The following SAFB2 variants were observed in gnomAD, a reference collection of about 807,000 sequenced individuals.
SAFB2 encodes scaffold attachment factor B2.
Under a neutral mutation model 100.6 loss-of-function variants are expected in SAFB2, and 32 were observed. The observed-to-expected ratio is 0.32, with a 90% CI of 0.24 to 0.43. SAFB2 has a LOEUF of 0.43. Among genes scored for constraint, SAFB2 ranks in the 20% least tolerant of loss-of-function variants. SAFB2 has a pLI of 1.00. For missense variants in SAFB2, 1,185 were observed against 1,163.4 expected (o/e 1.02, Z -0.27); for synonymous variants, 500 against 439.4 (o/e 1.14, Z -1.72).
At chr19:5,614,970 G>GGAGGCC (rs2052991265) in intron 4 of SAFB2, among the ~76,000 whole-genome samples, 1 of 152,164 alleles carries the variant, frequency 6.6e-6, no homozygotes, top group African/African-American at 2.4e-5. Context: ...CAGCACTTTG[G>GGAGGCC]GAGGCCGAGG....
chr19:5,619,419 T>C (rs968216712), intron 2 of SAFB2, among the ~76,000 whole-genome samples: 2 of 152,238 alleles, frequency 1.3e-5, no homozygotes, highest in Non-Finnish European at 2.9e-5. Context: ...TCATCCAAGC[T>C]TTCCTGACAA....
chr19:5,614,140 G>A (rs922271141), intron 4 of SAFB2, among the ~76,000 whole-genome samples: 6 of 152,074 alleles, frequency 3.9e-5, no homozygotes, highest in Non-Finnish European at 8.8e-5. Context: ...TGTTTTAGTA[G>A]AGACGGGGTT....
At chr19:5,615,244 C>T (rs572256481) in intron 4 of SAFB2, among the ~76,000 whole-genome samples, 8 of 151,870 alleles carry the variant, frequency 5.3e-5, no homozygotes, top group Admixed American at 1.3e-4. Context: ...GGTCCCAGCT[C>T]CTCAGGAGGC....
chr19:5,589,866 C>T (rs1351018767), intron 18 of SAFB2, among the ~76,000 whole-genome samples: 1 of 152,124 alleles, frequency 6.6e-6, no homozygotes, highest in Admixed American at 6.5e-5. Flanking sequence ...CCCAGACCAA[C>T]TGGGGGTCAG....
chr19:5,600,428 T>G (rs1321002452), intron 11 of SAFB2, among the ~76,000 whole-genome samples, 168 bp from the exon 12 acceptor site: 5 of 152,208 alleles, frequency 3.3e-5, no homozygotes, highest in African/African-American at 7.2e-5. Context: ...ACAATACTCC[T>G]CTTTAGATAC....
intron 9 of SAFB2, among the ~76,000 whole-genome samples, chr19:5,609,420 CAGCTTCCCGAGT>C (rs1287945223): frequency 6.6e-6 from 1 of 151,448 alleles, no homozygotes; most frequent in Non-Finnish European, 1.5e-5. Flanking sequence ...TCTCCCACCT[CAGCTTCCCGAGT>C]AGCTGCGACT....
In SAFB2 at chr19:5,587,215, C is replaced by T; in HGVS notation, c.*28G>A. ...CTACCAGATTCAACAGTGCGTCTGC[C>T]CACCCGAAAACTCGCAGCGAGTGGG... On this transcript the variant is annotated 3_prime_UTR_variant, in exon 21 of 21. Transcript: ENST00000252542. The surrounding 1 kb of genome is among the most constrained non-coding windows in gnomAD (Gnocchi z 4.9). 1 of 1,606,374 alleles carries T rather than the reference C, an allele frequency of 6.2e-7. No homozygotes were observed. Among genetic ancestry groups the T allele is most frequent in the Non-Finnish European group, 8.5e-7 (1 of 1,174,532 alleles).
chr19:5,608,465 T>C (rs2052825820), intron 9 of SAFB2, among the ~76,000 whole-genome samples: 1 of 152,218 alleles, frequency 6.6e-6, no homozygotes, highest in African/African-American at 2.4e-5. Flanking sequence ...TTCATGGCTA[T>C]AAGAATTTCC....
rs1715961225 is a variant in SAFB2 at position 5,619,786 on chromosome 19, A to G, written c.274+1523T>C. On this transcript the variant is annotated intron_variant, in intron 2 of 20. Coordinates refer to ENST00000252542, the MANE Select transcript of SAFB2 (RefSeq NM_014649.3). ...CTTGAACCCGGGAGGCGGAGGTTGC[A>G]GTGAGCCAAGACCGCACCACTGCAC... Among the ~76,000 whole-genome samples the G allele has an allele frequency of 2.6e-5, 4 of 152,054 alleles. No individual in the cohort carries two copies. In the South Asian group the frequency reaches 8.3e-4, roughly 32 times the overall value.
chr19:5,597,435 T>C (rs1441798335), intron 13 of SAFB2, among the ~76,000 whole-genome samples: 2 of 151,708 alleles, frequency 1.3e-5, no homozygotes, highest in African/African-American at 4.9e-5. Context: ...AAAAAATATA[T>C]GTAAAAGCGA....
At position 5,590,321 on chromosome 19, in the gene SAFB2, C is replaced by A. The variant is rs746647523; in HGVS notation, c.2482G>T (p.Asp828Tyr). ...SRDGWGGYGS[D>Y]KRLSEGRGLP... is the part of the protein sequence containing the mutation. Reference sequence around the variant, plus strand: ...CCCCGGCCTTCACTCAGCCTCTTGTCGGAGCCGTAGCCCCCCCAGCCATCA... The same window carrying A: ...CCCCGGCCTTCACTCAGCCTCTTGTAGGAGCCGTAGCCCCCCCAGCCATCA... The change falls in exon 18 of 21, where the codon GAC becomes TAC. Residue 828 changes from aspartate to tyrosine, a missense_variant. Coordinates refer to ENST00000252542, the MANE Select transcript of SAFB2 (RefSeq NM_014649.3). 3.7e-6 allele frequency: 6 copies of A among 1,608,596 alleles called. No individual in the cohort carries two copies. The East Asian group carries it at 1.3e-4, about 36-fold the overall frequency.
rs772716396 is a variant in SAFB2, at chr19:5,587,278, G to C, written c.2827C>G (p.Pro943Ala). The change falls in exon 21 of 21, where the codon CCC (proline) becomes GCC (alanine). Residue 943 changes from proline (P) to alanine (A), a missense_variant. Physicochemically the swap from Pro to Ala is conservative, Grantham distance 27. Around this residue, in one of 3 missense-constraint regions of SAFB2, gnomAD observed 740 missense variants for 687.1 expected, o/e 1.08. Coordinates refer to ENST00000252542, the MANE Select transcript of SAFB2 (RefSeq NM_014649.3). The surrounding 1 kb of genome is among the most constrained non-coding windows in gnomAD (Gnocchi z 4.9). ...GSRVPHPHPH[P>A]PPYPHFTRRY The stretch of plus-strand genomic sequence containing the variant: ...CGGGTGAAGTGGGGGTACGGGGGGG[G>C]ATGAGGGTGTGGGTGAGGGACTCTG... 213 of 1,613,126 alleles carry C rather than the reference G, an allele frequency of 1.3e-4. 1 individual carries two copies. Among genetic ancestry groups the C allele is most frequent in the Non-Finnish European group, 1.8e-4 (211 of 1,179,714 alleles).
chr19:5,611,346 C>G lies in SAFB2; in HGVS notation c.919G>C (p.Asp307His). Residue 307 changes from aspartate (D) to histidine (H), a missense_variant, in exon 7 of 21, where the codon GAC (aspartate) becomes CAC (histidine). Coordinates refer to ENST00000252542, the MANE Select transcript of SAFB2 (RefSeq NM_014649.3). ...AEQPGDGERTDCEPVGLEPAV... is the reference protein window; with the variant it reads ...AEQPGDGERTHCEPVGLEPAV... ...GGCTCTAGCCCTACAGGCTCACAGT[C>G]CGTCCTCTCGCCATCGCCTGGCTGC... 1 of 357,542 alleles carries G rather than the reference C, an allele frequency of 2.8e-6. No homozygotes were observed. Among genetic ancestry groups the G allele is most frequent in the Admixed American group, 7.3e-5 (1 of 13,656 alleles). The allele number at this position is 357,542 out of a possible 1,614,324, so 22.1% of individuals were successfully genotyped here.
intron 17 of SAFB2, among the ~76,000 whole-genome samples, chr19:5,590,988 G>T (rs1299258436): frequency 1.3e-5 from 2 of 152,184 alleles, no homozygotes; most frequent in Non-Finnish European, 2.9e-5. Flanking sequence ...CAGAGACTCA[G>T]GGACCATTCT....
intron 9 of SAFB2, among the ~76,000 whole-genome samples, 198 bp downstream of exon 9, chr19:5,609,797 G>A (rs1027935017): frequency 2.0e-5 from 3 of 152,102 alleles, no homozygotes; most frequent in East Asian, 1.9e-4. Flanking sequence ...GGCGAGCTTC[G>A]CTGCTGTCGT....
rs766417993 is a variant in SAFB2 at position 5,613,487 on chromosome 19, G to A, written c.584C>T (p.Ser195Leu). The change falls in exon 5 of 21, where the codon TCG (serine) becomes TTG (leucine). Residue 195 changes from serine (S) to leucine (L), a missense_variant. By Grantham distance (145) the Ser-to-Leu change is moderately radical. Around this residue, in one of 3 missense-constraint regions of SAFB2, gnomAD observed 351 missense variants for 341.2 expected, o/e 1.03. Coordinates refer to ENST00000252542, the MANE Select transcript of SAFB2 (RefSeq NM_014649.3). ...TACCGGAGTTACTTTGAAGTTCAAC[G>A]ATGAAGTTTCCAAAGTGTTCTTAAA... ...EGFKNTLETS[S>L]LNFKVTPDIE... The A allele has an allele frequency of 1.7e-5, 27 of 1,613,726 alleles. No individual in the cohort carries two copies. The highest frequency in any genetic ancestry group is 3.3e-5 in the Admixed American group (2 of 59,926).
rs775080704 is a variant in SAFB2 at position 5,622,749 on chromosome 19, G to C, written c.-34C>G. 2 of 1,571,424 alleles carry C rather than the reference G, an allele frequency of 1.3e-6. No individual in the cohort carries two copies. The highest frequency in any genetic ancestry group is 1.7e-6 in the Non-Finnish European group (2 of 1,163,590). On this transcript the variant is annotated 5_prime_UTR_variant, in exon 1 of 21. Transcript: ENST00000252542. ...TCCCGTCTTCGCCACCGACTCAGTC[G>C]CACACCGCCGGCAGCTATAGCGGCT...
rs1568210037 is a variant in SAFB2, at chr19:5,594,151, T to TTGCTCCCGCTCCCGC, written c.1932_1946dup (p.Glu646_Arg650dup). On this transcript the variant is annotated inframe_insertion, in exon 15 of 21. Transcript: ENST00000252542. The stretch of plus-strand genomic sequence containing the variant: ...TCCGCTCATGGAAGGCCTCGAGGCG[T>TTGCTCCCGCTCCCGC]TGCTCCCGCTCCCGCTGCTCGCGCT... 1 of 1,599,168 alleles carries TTGCTCCCGCTCCCGC rather than the reference T, an allele frequency of 6.3e-7. No individual in the cohort carries two copies. The highest frequency in any genetic ancestry group is 1.1e-5 in the South Asian group (1 of 90,572).
intron 18 of SAFB2, among the ~76,000 whole-genome samples, chr19:5,589,921 C>A (rs2052352728): frequency 6.6e-6 from 1 of 152,188 alleles, no homozygotes; most frequent in Non-Finnish European, 1.5e-5. Flanking sequence ...AACGTGGAGG[C>A]AGGGGCGAGG....
Sources: allele counts gnomAD v4.1 joint callset (sites outside exome capture counted in the v4.1 genomes callset), GRCh38; gene constraint gnomAD v4.1.1; regional missense constraint gnomAD v4.1.1; non-coding constraint Gnocchi (gnomAD v3.1); transcripts MANE v1.5; gene names NCBI Gene and HGNC (gene_info 2026-07-23, HGNC 2026-07-21).